The following LRRN2 variants were observed in gnomAD, a reference collection of about 807,000 sequenced individuals.
LRRN2 encodes the protein leucine rich repeat neuronal 2.
In LRRN2, 10 loss-of-function variants were observed where a neutral mutation model predicts 35.7. The observed-to-expected ratio is 0.28, with a 90% CI of 0.17 to 0.47. LRRN2 has a LOEUF of 0.47. LRRN2 is among the 20% of genes least tolerant of loss of function. The pLI, the probability that LRRN2 is intolerant of heterozygous loss-of-function variation, is 0.99. For synonymous variants in LRRN2, 391 were observed against 409.6 expected (o/e 0.95, Z 0.55); for missense variants, 731 against 940.3 (o/e 0.78, Z 2.91).
At chr1:204,654,817 T>TTACA (rs1668313082) in intron 1 of LRRN2, among the ~76,000 whole-genome samples, 1 of 152,170 alleles carries the variant, frequency 6.6e-6, no homozygotes, top group African/African-American at 2.4e-5. Flanking sequence ...CTCAATAACA[T>TTACA]TACATAGTAG....
intron 1 of LRRN2, chr1:204,626,807 C>T (rs997921346): frequency 2.0e-5 from 3 of 152,190 alleles, no homozygotes; most frequent in South Asian, 2.1e-4. Context: ...TAACGTGGGT[C>T]ACGATCTACA....
At chr1:204,626,942 CTTTTTTCTTTTTCT>C (rs1667425596) in intron 1 of LRRN2, 1 of 144,210 alleles carries the variant, frequency 6.9e-6, no homozygotes, top group Admixed American at 6.8e-5. Context: ...AAGGCTTTTT[CTTTTTTCTTTTTCT>C]TTTTTTTTTT....
chr1:204,683,829 T>G (rs1571691675), intron 1 of LRRN2, among the ~76,000 whole-genome samples: 3 of 152,362 alleles, frequency 2.0e-5, no homozygotes, highest in Admixed American at 2.0e-4. Flanking sequence ...TCCCTAGCTC[T>G]GCCCTTCTGT....
intron 1 of LRRN2, among the ~76,000 whole-genome samples, chr1:204,651,176 G>A (rs971930594): frequency 6.6e-5 from 10 of 152,138 alleles, no homozygotes; most frequent in African/African-American, 2.4e-4. Flanking sequence ...TCTAGGAGCC[G>A]AGGACCACCC....
At position 204,618,666 on chromosome 1, in the gene LRRN2, G is replaced by C. The variant is rs1206459201; in HGVS notation, c.1327C>G (p.Leu443Val). ...GGTTCGGCCAGTGCCCGGCAATGCA[G>C]CACCATGCTCTCTCCACTGGCTACC... is the stretch of plus-strand genomic sequence containing the variant. Reference protein sequence around the residue: ...LQVASGESMVLHCRALAEPEP... With the variant: ...LQVASGESMVVHCRALAEPEP... Residue 443 changes from leucine (L) to valine (V), a missense_variant, in exon 2 of 2, where the codon CTG (leucine) becomes GTG (valine). By Grantham distance (32) the Leu-to-Val change is conservative. Transcript: ENST00000367177. 1 of 1,605,266 alleles carries C rather than the reference G, an allele frequency of 6.2e-7. No individual in the cohort carries two copies.
chr1:204,640,122 C>G (rs1284184624), intron 1 of LRRN2, among the ~76,000 whole-genome samples: 5 of 152,238 alleles, frequency 3.3e-5, no homozygotes, highest in African/African-American at 9.6e-5. Flanking sequence ...ATTTATTGTT[C>G]ACGGTTCTGG....
intron 1 of LRRN2, among the ~76,000 whole-genome samples, chr1:204,623,066 T>A (rs1358563686): frequency 6.6e-6 from 1 of 152,064 alleles, no homozygotes; most frequent in Non-Finnish European, 1.5e-5. Flanking sequence ...CTCGATAAGT[T>A]AGCAAGTGCC....
chr1:204,665,279 G>A (rs1162259381), intron 1 of LRRN2, among the ~76,000 whole-genome samples: 1 of 152,072 alleles, frequency 6.6e-6, no homozygotes, highest in African/African-American at 2.4e-5. Context: ...TCGCCAAAAG[G>A]CCAAAACTTC....
chr1:204,672,376 A>G (rs1164927548), intron 1 of LRRN2, among the ~76,000 whole-genome samples: 4 of 152,192 alleles, frequency 2.6e-5, no homozygotes, highest in African/African-American at 4.8e-5. Context: ...GGGCTCCCCA[A>G]GTGGGGCTAG....
intron 1 of LRRN2, among the ~76,000 whole-genome samples, chr1:204,658,351 A>G (rs1282540471): frequency 6.6e-6 from 1 of 152,120 alleles, no homozygotes; most frequent in Non-Finnish European, 1.5e-5. Flanking sequence ...AAATATCATC[A>G]CTTGTCCAAC....
rs767877381 is a variant in LRRN2, at chr1:204,618,393, G to T, written c.1600C>A (p.Gln534Lys). ...AGGATGTGATAGGGGTGGGTCTCCT[G>T]CACCCGGAGCTCCAGCCCCTGTCCT... ...DEGQGLELRV[Q>K]ETHPYHILLS... The change falls in exon 2 of 2, where the codon CAG becomes AAG. Residue 534 changes from glutamine to lysine, a missense_variant. Physicochemically the swap from Gln to Lys is moderately conservative, Grantham distance 53. Around this residue, in one of 3 missense-constraint regions of LRRN2, gnomAD observed 229 missense variants for 258.4 expected, o/e 0.89. Transcript: ENST00000367177. 1.9e-6 allele frequency: 3 copies of T among 1,611,982 alleles called. No homozygotes were observed. Among genetic ancestry groups the T allele is most frequent in the Non-Finnish European group, 2.5e-6 (3 of 1,178,672 alleles).
intron 1 of LRRN2, among the ~76,000 whole-genome samples, chr1:204,635,528 G>T (rs1667812201): frequency 6.6e-6 from 1 of 152,126 alleles, no homozygotes; most frequent in African/African-American, 2.4e-5. Context: ...GTCCTCTCTT[G>T]AGTGTACCAG....
intron 1 of LRRN2, among the ~76,000 whole-genome samples, chr1:204,672,978 C>G (rs1222688252): frequency 6.6e-6 from 1 of 152,170 alleles, no homozygotes; most frequent in Non-Finnish European, 1.5e-5. Flanking sequence ...TCTCTTAGGG[C>G]CAGCCACTTC....
chr1:204,655,909 CTTT>C (rs1262786759), intron 1 of LRRN2, among the ~76,000 whole-genome samples: 4 of 152,060 alleles, frequency 2.6e-5, no homozygotes, highest in Non-Finnish European at 5.9e-5. Flanking sequence ...TCCTTCTCTT[CTTT>C]TTTCTTTTCT....
rs1667663434 is a variant in LRRN2 at position 204,630,505 on chromosome 1, A to G, written c.-226-10287T>C. On this transcript the variant is annotated intron_variant, in intron 1 of 1. Transcript: ENST00000367177. ...CTCATTTCATCAGCGGGTTTGCCAG[A>G]TGAAGCTCTAGATAAGTCACGCCGC... is the stretch of plus-strand genomic sequence containing the variant. Among the ~76,000 whole-genome samples the G allele has an allele frequency of 3.3e-5, 5 of 152,120 alleles. No individual in the cohort carries two copies. In the South Asian group the frequency reaches 1.0e-3, roughly 32 times the overall value.
At chr1:204,682,127 A>T (rs1668967721) in intron 1 of LRRN2, among the ~76,000 whole-genome samples, 1 of 152,204 alleles carries the variant, frequency 6.6e-6, no homozygotes, top group Non-Finnish European at 1.5e-5. Flanking sequence ...TTTATTCATT[A>T]GATGGGCCAT....
chr1:204,679,477 C>T (rs1668892387), intron 1 of LRRN2, among the ~76,000 whole-genome samples: 1 of 152,240 alleles, frequency 6.6e-6, no homozygotes, highest in Admixed American at 6.5e-5. Flanking sequence ...AGGACAGACC[C>T]ATTCTTCCTG....
chr1:204,644,168 A>G (rs1167862193), intron 1 of LRRN2, among the ~76,000 whole-genome samples: 2 of 152,122 alleles, frequency 1.3e-5, no homozygotes, highest in Admixed American at 1.3e-4. Context: ...GCTTAGTAAA[A>G]TGGGAGTGGT....
intron 1 of LRRN2, among the ~76,000 whole-genome samples, chr1:204,657,823 G>A (rs911998675): frequency 1.3e-5 from 2 of 152,080 alleles, no homozygotes; most frequent in African/African-American, 4.8e-5. Flanking sequence ...GATATAAATT[G>A]AGGTGGTGAT....
Sources: allele counts gnomAD v4.1 joint callset (sites outside exome capture counted in the v4.1 genomes callset), GRCh38; gene constraint gnomAD v4.1.1; regional missense constraint gnomAD v4.1.1; transcripts MANE v1.5; gene names NCBI Gene and HGNC (gene_info 2026-07-23, HGNC 2026-07-21).